The following MARK3 variants were observed in gnomAD, a reference collection of about 807,000 sequenced individuals.
MARK3 encodes the protein MAP/microtubule affinity-regulating kinase 3.
In MARK3, 46 loss-of-function variants were observed where a neutral mutation model predicts 90.1. The observed-to-expected ratio is 0.51, with a 90% CI of 0.40 to 0.65. The LOEUF (loss-of-function observed/expected upper bound fraction) is 0.65. MARK3 is among the 30% of genes least tolerant of loss of function. MARK3 has a pLI of 0.00. For synonymous variants in MARK3, 321 were observed against 332.6 expected, an observed-to-expected ratio of 0.97 and a Z score of 0.38; for missense variants, 818 against 947.2, an observed-to-expected ratio of 0.86 and a Z score of 1.79.
chr14:103,498,089 C>T (rs1173482038), intron 15 of MARK3, among the ~76,000 whole-genome samples: 5 of 151,948 alleles, frequency 3.3e-5, no homozygotes, highest in Admixed American at 1.3e-4. Context: ...TGGTGGCGCG[C>T]GCCTGTGATT....
chr14:103,491,405 C>T, intron 14 of MARK3: 2 of 212,824 alleles, frequency 9.4e-6, no homozygotes, highest in South Asian at 1.4e-4. Flanking sequence ...GTTGCCTGTT[C>T]TTCAGTTACG....
intron 3 of MARK3, among the ~76,000 whole-genome samples, chr14:103,444,629 T>A (rs761673090): frequency 1.3e-5 from 2 of 152,082 alleles, no homozygotes; most frequent in Non-Finnish European, 2.9e-5. Context: ...ATACAAAAAT[T>A]AGCTGGACAT....
chr14:103,488,504 C>T (rs1188255834), intron 14 of MARK3, among the ~76,000 whole-genome samples: 1 of 152,140 alleles, frequency 6.6e-6, no homozygotes. Context: ...GTTTCCAGTC[C>T]TTCTCAGACT....
chr14:103,422,313 G>C (rs1450783333), intron 2 of MARK3, among the ~76,000 whole-genome samples: 1 of 152,138 alleles, frequency 6.6e-6, no homozygotes, highest in Non-Finnish European at 1.5e-5. Flanking sequence ...AAAATTAGCT[G>C]GGCATGGTGT....
intron 7 of MARK3, among the ~76,000 whole-genome samples, chr14:103,464,389 C>T (rs1468108455): frequency 3.4e-5 from 5 of 147,620 alleles, no homozygotes; most frequent in East Asian, 2.0e-4. Flanking sequence ...ACCTCCACCT[C>T]GCAGGTTCAA....
intron 3 of MARK3, among the ~76,000 whole-genome samples, chr14:103,439,017 T>C (rs1005878799): frequency 5.9e-5 from 9 of 151,828 alleles, no homozygotes; most frequent in Non-Finnish European, 1.2e-4. Context: ...GCACACACAT[T>C]GTTGCTACTC....
At chr14:103,399,372 C>G (rs1192356038) in intron 1 of MARK3, among the ~76,000 whole-genome samples, 1 of 152,096 alleles carries the variant, frequency 6.6e-6, no homozygotes, top group East Asian at 1.9e-4. Context: ...TCACAAAGAC[C>G]TAACACAGTG....
chr14:103,395,976 G>C (rs911301988), intron 1 of MARK3, among the ~76,000 whole-genome samples: 7 of 152,142 alleles, frequency 4.6e-5, no homozygotes, highest in Admixed American at 6.6e-5. Flanking sequence ...ACTTGGCCTA[G>C]GCAAGCACGG....
chr14:103,403,181 C>T (rs1044236238), intron 1 of MARK3, among the ~76,000 whole-genome samples: 22 of 151,956 alleles, frequency 1.4e-4, no homozygotes, highest in African/African-American at 5.1e-4. Flanking sequence ...TTGCAAAAAG[C>T]TTTTTTAACA....
intron 14 of MARK3, chr14:103,491,100 A>C: frequency 4.8e-6 from 6 of 1,258,982 alleles, no homozygotes; most frequent in Non-Finnish European, 6.2e-6. Context: ...AGATAACTTC[A>C]AGGCTATGTA....
intron 12 of MARK3, among the ~76,000 whole-genome samples, chr14:103,469,005 G>T (rs2093574404): frequency 6.6e-6 from 1 of 151,994 alleles, no homozygotes; most frequent in African/African-American, 2.4e-5. Context: ...CTCTGCATTG[G>T]ATTTACTTTG....
chr14:103,485,569 G>C (rs2093914239), intron 14 of MARK3, among the ~76,000 whole-genome samples: 1 of 152,082 alleles, frequency 6.6e-6, no homozygotes, highest in Non-Finnish European at 1.5e-5. Flanking sequence ...CACCATGCCT[G>C]TCCTTGGACT....
chr14:103,426,907 AAAT>A (rs1295410474), intron 2 of MARK3, among the ~76,000 whole-genome samples: 2 of 76,598 alleles, frequency 2.6e-5, no homozygotes, highest in African/African-American at 9.1e-5. Context: ...AAAAAAAAAA[AAAT>A]TTTTAAAGTT....
chr14:103,461,854 T>C (rs1595789964), intron 6 of MARK3, among the ~76,000 whole-genome samples: 2 of 152,034 alleles, frequency 1.3e-5, no homozygotes, highest in Admixed American at 1.3e-4. Context: ...CTGGCCAACG[T>C]GGTGAAACCC....
chr14:103,478,221 G>T (rs1316785600), intron 13 of MARK3, among the ~76,000 whole-genome samples: 8 of 151,318 alleles, frequency 5.3e-5, no homozygotes, highest in Non-Finnish European at 1.2e-4. Flanking sequence ...ATTGAACCCA[G>T]GACGCAGAAG....
intron 14 of MARK3, among the ~76,000 whole-genome samples, chr14:103,481,506 G>A (rs2093817112): frequency 6.6e-6 from 1 of 152,082 alleles, no homozygotes; most frequent in Admixed American, 6.6e-5. Context: ...GTTCCAAACT[G>A]CTTATCACTT....
intron 1 of MARK3, among the ~76,000 whole-genome samples, chr14:103,396,009 G>A (rs543306645): frequency 6.6e-6 from 1 of 152,194 alleles, no homozygotes; most frequent in Non-Finnish European, 1.5e-5. Context: ...CCAGGGAGCT[G>A]AGTCGGGAGA....
chr14:103,444,594 T>C (rs964893434), intron 3 of MARK3, among the ~76,000 whole-genome samples: 43 of 152,194 alleles, frequency 2.8e-4, no homozygotes, highest in South Asian at 2.1e-4. Flanking sequence ...CTGGCTAACA[T>C]GGTGAAACCC....
chr14:103,457,678 G>T (rs562454747), intron 6 of MARK3, among the ~76,000 whole-genome samples: 1 of 152,114 alleles, frequency 6.6e-6, no homozygotes, highest in Non-Finnish European at 1.5e-5. Context: ...GTTTTAATAA[G>T]CAGGTTTTAA....
Sources: gnomAD v4.1 joint callset for allele counts (sites outside exome capture counted in the v4.1 genomes callset) on GRCh38, gnomAD v4.1.1 for gene constraint, MANE v1.5 for transcripts, NCBI Gene and HGNC (gene_info 2026-07-23, HGNC 2026-07-21) for gene names.